HOOK1: variants seen among roughly 807,000 people sequenced by gnomAD.
HOOK1 encodes hook microtubule tethering protein 1.
Under a neutral mutation model 112.8 loss-of-function variants are expected in HOOK1, and 60 were observed. The observed-to-expected ratio is 0.53, with a 90% CI of 0.43 to 0.66. The LOEUF (loss-of-function observed/expected upper bound fraction) is 0.66. HOOK1 is among the 30% of genes least tolerant of loss of function. HOOK1 has a pLI of 0.00. For missense variants in HOOK1, 770 were observed against 856.0 expected (o/e 0.90, Z 1.25); for synonymous variants, 294 against 283.8 (o/e 1.04, Z -0.36).
intron 7 of HOOK1, among the ~76,000 whole-genome samples, chr1:59,839,986 T>C (rs1289199635): frequency 6.6e-6 from 1 of 152,202 alleles, no homozygotes. Flanking sequence ...ATGTGATGGA[T>C]TACATTTATT....
intron 1 of HOOK1, among the ~76,000 whole-genome samples, chr1:59,817,976 T>C (rs1353653718): frequency 6.6e-6 from 1 of 152,238 alleles, no homozygotes; most frequent in Non-Finnish European, 1.5e-5. Flanking sequence ...TAAATATCAT[T>C]GCCTTGGTTC....
chr1:59,817,716 G>A (rs1214214204), intron 1 of HOOK1, among the ~76,000 whole-genome samples: 5 of 152,072 alleles, frequency 3.3e-5, no homozygotes, highest in African/African-American at 1.2e-4. Flanking sequence ...GGCTGCTTCC[G>A]TCATTCAGGT....
chr1:59,857,136 A>T (rs2098411147), intron 12 of HOOK1, among the ~76,000 whole-genome samples: 1 of 152,166 alleles, frequency 6.6e-6, no homozygotes, highest in Non-Finnish European at 1.5e-5. Context: ...GCAGTGACTC[A>T]GGTCAAATCA....
At chr1:59,856,787 A>T (rs2098410991) in intron 12 of HOOK1, among the ~76,000 whole-genome samples, 1 of 152,122 alleles carries the variant, frequency 6.6e-6, no homozygotes, top group South Asian at 2.1e-4. Flanking sequence ...TGTGTGTTAT[A>T]AAACACCTTC....
intron 12 of HOOK1, among the ~76,000 whole-genome samples, chr1:59,853,223 A>G (rs763503474): frequency 5.9e-5 from 9 of 151,972 alleles, no homozygotes; most frequent in Admixed American, 1.3e-4. Context: ...GATATTTCCA[A>G]TTGTTGTTAT....
intron 2 of HOOK1, among the ~76,000 whole-genome samples, chr1:59,825,987 T>G (rs907160623): frequency 6.6e-6 from 1 of 152,126 alleles, no homozygotes; most frequent in African/African-American, 2.4e-5. Flanking sequence ...GACCACAGTT[T>G]AATGGGTTAA....
intron 20 of HOOK1, among the ~76,000 whole-genome samples, chr1:59,870,716 G>A (rs1055644036): frequency 2.0e-5 from 3 of 152,086 alleles, no homozygotes; most frequent in African/African-American, 4.8e-5. Context: ...GCTCTGTTTC[G>A]TTTACCTAAG....
chr1:59,832,049 A>C (rs749250457), intron 3 of HOOK1, 114 bp from the exon 4 acceptor site: 1 of 579,424 alleles, frequency 1.7e-6, no homozygotes, highest in Admixed American at 3.1e-5. Flanking sequence ...ACTCTATTAT[A>C]ATGTTTTTGT....
At position 59,876,260 on chromosome 1, in the gene HOOK1, TATTTG is replaced by T. The variant is rs2102085790; in HGVS notation, c.*3300_*3304del. ...TTTGACACTTGAAAAATAAAACCAA[TATTTG>T]ATTTATTTTTGTAAGTATTTAGGAT... is the stretch of plus-strand genomic sequence containing the variant. On this transcript the variant is annotated 3_prime_UTR_variant, in exon 22 of 22. Coordinates refer to ENST00000371208, the MANE Select transcript of HOOK1 (RefSeq NM_015888.6). The T allele has an allele frequency of 6.5e-6, 1 of 152,760 alleles. No homozygotes were observed. The highest frequency in any genetic ancestry group is 2.1e-4 in the South Asian group (1 of 4,824). 9.5% of individuals were successfully genotyped at this position (152,760 alleles called of 1,614,324 possible).
In HOOK1 at chr1:59,864,660, C is replaced by A; in HGVS notation, c.1655C>A (p.Ala552Asp). The stretch of plus-strand genomic sequence containing the variant: ...AGCAAATTAAAGCAGAAGTTGGAAG[C>A]TCATATGTAAGTAAAACTGATATTT... ...SSSKLKQKLE[A>D]HMEKLTEVHE... Residue 552 changes from alanine (A) to aspartate (D), a missense_variant, in exon 17 of 22, where the codon GCT becomes GAT. By Grantham distance (126) the Ala-to-Asp change is moderately radical. Around this residue, in one of 3 missense-constraint regions of HOOK1, gnomAD observed 655 missense variants for 725.9 expected, o/e 0.90. Transcript: ENST00000371208. The A allele has an allele frequency of 6.5e-7, 1 of 1,537,670 alleles. No individual in the cohort carries two copies. The highest frequency in any genetic ancestry group is 1.1e-5 in the South Asian group (1 of 87,530).
At chr1:59,815,923 G>A (rs796152534) in intron 1 of HOOK1, among the ~76,000 whole-genome samples, 1 of 152,054 alleles carries the variant, frequency 6.6e-6, no homozygotes, top group Non-Finnish European at 1.5e-5. Context: ...GTCTGGACAG[G>A]CATATCTGTC....
chr1:59,837,700 T>TTTA (rs962054772), intron 7 of HOOK1, among the ~76,000 whole-genome samples: 6 of 152,112 alleles, frequency 3.9e-5, no homozygotes, highest in Non-Finnish European at 8.8e-5. Context: ...AACAATTTTT[T>TTTA]TTATTATTAT....
chr1:59,829,086 T>C (rs529648768), intron 3 of HOOK1, among the ~76,000 whole-genome samples: 8 of 152,250 alleles, frequency 5.3e-5, no homozygotes, highest in African/African-American at 1.9e-4. Context: ...CCCCCAGCCT[T>C]GCCCTAGGTA....
intron 9 of HOOK1, among the ~76,000 whole-genome samples, chr1:59,846,672 T>G (rs1260266335): frequency 6.7e-6 from 1 of 149,456 alleles, no homozygotes; most frequent in African/African-American, 2.5e-5. Flanking sequence ...AGGCACTGGT[T>G]TACTGTTGTC....
At chr1:59,857,935 A>G (rs933097778) in intron 12 of HOOK1, among the ~76,000 whole-genome samples, 1 of 152,210 alleles carries the variant, frequency 6.6e-6, no homozygotes, top group East Asian at 1.9e-4. Context: ...GGTAAAAAGT[A>G]ACTAGTCTCC....
At chr1:59,834,965 T>G (rs1185503139) in intron 5 of HOOK1, among the ~76,000 whole-genome samples, 2 of 152,096 alleles carry the variant, frequency 1.3e-5, no homozygotes, top group Admixed American at 6.5e-5. Context: ...TCCTAAAAAT[T>G]TTAATATTAT....
rs570531469 is a variant in HOOK1, at chr1:59,823,128, G to A, written c.149+1185G>A. Among the ~76,000 whole-genome samples the A allele has an allele frequency of 5.3e-5, 8 of 152,286 alleles. No homozygotes were observed. In the South Asian group the frequency reaches 1.0e-3, roughly 20 times the overall value. On this transcript the variant is annotated intron_variant, in intron 2 of 21. Coordinates refer to ENST00000371208, the MANE Select transcript of HOOK1 (RefSeq NM_015888.6). The stretch of plus-strand genomic sequence containing the variant: ...AAGGTCAGCAGATCGAGACCATCCT[G>A]GCTAACATGGTGAAACCCCATCTCT...
At chr1:59,845,914 A>G (rs912120167) in intron 9 of HOOK1, among the ~76,000 whole-genome samples, 1 of 151,848 alleles carries the variant, frequency 6.6e-6, no homozygotes, top group South Asian at 2.1e-4. Context: ...CTGTTTTCTG[A>G]AAGAGTTTAT....
intron 2 of HOOK1, among the ~76,000 whole-genome samples, chr1:59,826,881 G>C (rs1302849562): frequency 6.6e-6 from 1 of 152,212 alleles, no homozygotes; most frequent in Non-Finnish European, 1.5e-5. Context: ...TCCTGCCTCA[G>C]CCTCCCGAGT....
Sources: allele counts gnomAD v4.1 joint callset (sites outside exome capture counted in the v4.1 genomes callset), GRCh38; gene constraint gnomAD v4.1.1; regional missense constraint gnomAD v4.1.1; transcripts MANE v1.5; gene names NCBI Gene and HGNC (gene_info 2026-07-23, HGNC 2026-07-21).